The following PAPPA variants were observed in gnomAD, a reference collection of about 807,000 sequenced individuals.
PAPPA encodes pappalysin 1.
PAPPA carries 60 observed loss-of-function variants against 164.0 expected under a neutral mutation model. The ratio of observed to expected loss-of-function variants is 0.37; its 90% CI spans 0.30 to 0.45. The LOEUF is 0.45. PAPPA is among the 20% of genes least tolerant of loss of function. The pLI is 1.00. For missense variants in PAPPA, 1,782 were observed against 2,087.3 expected (o/e 0.85, Z 2.85); for synonymous variants, 875 against 814.1 (o/e 1.07, Z -1.27).
chr9:116,391,470 GCT>G (rs1006591467), intron 21 of PAPPA, among the ~76,000 whole-genome samples: 2 of 152,134 alleles, frequency 1.3e-5, no homozygotes, highest in African/African-American at 4.8e-5. Context: ...CCCCCACCAT[GCT>G]CTGCTAGTTA....
chr9:116,220,205 A>T, intron 5 of PAPPA, 76 bp downstream of exon 5: 1 of 1,150,900 alleles, frequency 8.7e-7, no homozygotes, highest in Non-Finnish European at 1.2e-6. Flanking sequence ...AGGGAAGCAG[A>T]CTTGGAGAGG....
In PAPPA at chr9:116,154,351, C is replaced by A; in HGVS notation, c.179C>A (p.Pro60Gln). 3.7e-6 allele frequency: 3 copies of A among 821,260 alleles called. No homozygotes were observed. Among genetic ancestry groups the A allele is most frequent in the Non-Finnish European group, 4.4e-6 (3 of 680,166 alleles). 50.9% of individuals were successfully genotyped at this position (821,260 alleles called of 1,614,324 possible). ...RAARGRRASP[P>Q]PPPPPGGAWE... ...GCCCGCGGCCGCCGCGCCTCGCCGC[C>A]GCCGCCGCCGCCGCCGGGCGGTGCC... The change falls in exon 1 of 22, where the codon CCG becomes CAG. Residue 60 changes from proline (P) to glutamine (Q), a missense_variant. Physicochemically the swap from Pro to Gln is moderately conservative, Grantham distance 76. Around this residue, in one of 2 missense-constraint regions of PAPPA, gnomAD observed 458 missense variants for 430.3 expected, o/e 1.06. Coordinates refer to ENST00000328252, the MANE Select transcript of PAPPA (RefSeq NM_002581.5). The surrounding 1 kb of genome is among the most constrained non-coding windows in gnomAD (Gnocchi z 5.2).
chr9:116,264,773 A>G (rs1287163087), intron 7 of PAPPA, among the ~76,000 whole-genome samples: 1 of 152,222 alleles, frequency 6.6e-6, no homozygotes, highest in African/African-American at 2.4e-5. Context: ...ACTAAAAATA[A>G]TTGATGCAGA....
At chr9:116,237,764 G>A (rs372450827) in intron 7 of PAPPA, among the ~76,000 whole-genome samples, 3 of 151,462 alleles carry the variant, frequency 2.0e-5, no homozygotes, top group Non-Finnish European at 4.4e-5. Flanking sequence ...CTCTTGCCCA[G>A]GTTGGAGTGC....
At chr9:116,299,752 G>A (rs1161680189) in intron 9 of PAPPA, among the ~76,000 whole-genome samples, 1 of 152,118 alleles carries the variant, frequency 6.6e-6, no homozygotes, top group Non-Finnish European at 1.5e-5. Flanking sequence ...TCTGTGACCT[G>A]GAAGCAGATG....
intron 17 of PAPPA, among the ~76,000 whole-genome samples, chr9:116,356,745 T>A (rs1846359358): frequency 1.3e-5 from 2 of 152,186 alleles, no homozygotes; most frequent in South Asian, 4.1e-4. Context: ...ACCATGCTGT[T>A]TTGGTTTCTG....
chr9:116,331,259 G>A lies in PAPPA; in HGVS notation c.3163G>A (p.Val1055Met), dbSNP rs368875459. The A allele has an allele frequency of 1.2e-6, 2 of 1,605,706 alleles. No individual in the cohort carries two copies. The highest frequency in any genetic ancestry group is 1.3e-5 in the African/African-American group (1 of 74,738). ...ATTTTTCCAGGTGTGTCGAACCAAG[G>A]TGATAGATCTCAGTGAAGGCATTTC... ...PAASQVCRTK[V>M]IDLSEGISQH... Residue 1055 changes from valine (V) to methionine (M), a missense_variant, in exon 11 of 22, where the codon GTG (valine) becomes ATG (methionine). Around this residue, in one of 2 missense-constraint regions of PAPPA, gnomAD observed 1,324 missense variants for 1,656.9 expected, o/e 0.80. Coordinates refer to ENST00000328252, the MANE Select transcript of PAPPA (RefSeq NM_002581.5).
intron 13 of PAPPA, among the ~76,000 whole-genome samples, chr9:116,335,562 C>T (rs989800912): frequency 4.6e-5 from 7 of 152,180 alleles, no homozygotes; most frequent in African/African-American, 1.7e-4. Flanking sequence ...ATGTCTTCCA[C>T]AAGCCTAGCT....
At position 116,187,212 on chromosome 9, in the gene PAPPA, C is replaced by T. The variant is rs1233525611; in HGVS notation, c.474C>T (p.His158=). 1.9e-6 allele frequency: 3 copies of T among 1,614,182 alleles called. No homozygotes were observed. Among genetic ancestry groups the T allele is most frequent in the East Asian group, 4.5e-5 (2 of 44,880 alleles). ...SRDRGWVVGI[H]TISDQDNKDP... is the part of the protein sequence containing the mutation. ...ACCGAGGATGGGTCGTGGGCATTCA[C>T]ACCATCAGTGACCAAGACAACAAAG... The change falls in exon 2 of 22, where the codon CAC becomes CAT. Residue 158 remains histidine (H), a synonymous_variant. Coordinates refer to ENST00000328252, the MANE Select transcript of PAPPA (RefSeq NM_002581.5). This position sits in a 1 kb window ranked among gnomAD's most constrained non-coding sequence, Gnocchi z 4.2.
At chr9:116,184,799 C>G (rs949118325) in intron 1 of PAPPA, among the ~76,000 whole-genome samples, 2 of 152,118 alleles carry the variant, frequency 1.3e-5, no homozygotes, top group African/African-American at 2.4e-5. Flanking sequence ...AAATTAATGC[C>G]TTTGATTCTG....
chr9:116,398,279 C>A lies in PAPPA; in HGVS notation c.*1663C>A. 1 of 205,310 alleles carries A rather than the reference C, an allele frequency of 4.9e-6. No homozygotes were observed. The highest frequency in any genetic ancestry group is 9.9e-6 in the Non-Finnish European group (1 of 100,672). 12.7% of individuals were successfully genotyped at this position (205,310 alleles called of 1,614,324 possible). A position where few individuals can be genotyped will look rare whatever the true frequency, so the allele number is the denominator to read the frequency against. Reference sequence around the variant, plus strand: ...TTGAGTGTGGCATACTTTCTGAAACCTGGAGCTGGGAATTGCGGAGAAGGG... The same window carrying A: ...TTGAGTGTGGCATACTTTCTGAAACATGGAGCTGGGAATTGCGGAGAAGGG... On this transcript the variant is annotated 3_prime_UTR_variant, in exon 22 of 22. Coordinates refer to ENST00000328252, the MANE Select transcript of PAPPA (RefSeq NM_002581.5).
At chr9:116,319,862 G>A (rs1845832233) in intron 10 of PAPPA, among the ~76,000 whole-genome samples, 1 of 152,202 alleles carries the variant, frequency 6.6e-6, no homozygotes, top group Non-Finnish European at 1.5e-5. Context: ...GGGAATCTAT[G>A]TTTGGAACAT....
Position 116,187,659 on chromosome 9 carries a change from A to C in PAPPA, c.921A>C (p.Lys307Asn). The C allele has an allele frequency of 6.2e-7, 1 of 1,614,228 alleles. No homozygotes were observed. Among genetic ancestry groups the C allele is most frequent in the Non-Finnish European group, 8.5e-7 (1 of 1,180,036 alleles). The change falls in exon 2 of 22, where the codon AAA becomes AAC. Residue 307 changes from lysine (K) to asparagine (N), a missense_variant. Around this residue, in one of 2 missense-constraint regions of PAPPA, gnomAD observed 458 missense variants for 430.3 expected, o/e 1.06. Transcript: ENST00000328252. This position sits in a 1 kb window ranked among gnomAD's most constrained non-coding sequence, Gnocchi z 4.2. ...CCATGAAGGATGGCAGCAGCCCCAAAGTGGAATTCAGCAATGCCCACGGCT... is the reference window on the plus strand; with the variant it reads ...CCATGAAGGATGGCAGCAGCCCCAACGTGGAATTCAGCAATGCCCACGGCT... Reference protein sequence around the residue: ...WSPMKDGSSPKVEFSNAHGFL... With the variant: ...WSPMKDGSSPNVEFSNAHGFL...
At position 116,192,171 on chromosome 9, in the gene PAPPA, AC is replaced by A. The variant is rs374281432; in HGVS notation, c.1478+3957del. Among the ~76,000 whole-genome samples the A allele has an allele frequency of 9.2e-5, 14 of 152,238 alleles. 1 individual carries two copies. Among genetic ancestry groups the A allele is most frequent in the African/African-American group, 3.4e-4 (14 of 41,550 alleles). ...CCAACTGAAGTCACAAAACAAAGGA[AC>A]CTGTTGATGCAATCCATAGATAGCC... On this transcript the variant is annotated intron_variant, in intron 2 of 21. Coordinates refer to ENST00000328252, the MANE Select transcript of PAPPA (RefSeq NM_002581.5).
intron 7 of PAPPA, among the ~76,000 whole-genome samples, chr9:116,248,954 C>G (rs1844828617): frequency 6.6e-6 from 1 of 152,162 alleles, no homozygotes; most frequent in Admixed American, 6.5e-5. Flanking sequence ...AATCTTACAG[C>G]ATGGTCACTG....
chr9:116,250,393 A>C (rs1441824540), intron 7 of PAPPA, among the ~76,000 whole-genome samples: 1 of 152,232 alleles, frequency 6.6e-6, no homozygotes, highest in Admixed American at 6.5e-5. Context: ...AGAAACTTCC[A>C]TCCAAGGATG....
intron 9 of PAPPA, among the ~76,000 whole-genome samples, chr9:116,279,963 T>C (rs1845247452): frequency 6.6e-6 from 1 of 152,156 alleles, no homozygotes; most frequent in Non-Finnish European, 1.5e-5. Context: ...ATAGACCTAA[T>C]TGTAGCCTCC....
At position 116,371,211 on chromosome 9, in the gene PAPPA, G is replaced by T. The variant is rs1846568634; in HGVS notation, c.4605+3457G>T. 3.3e-5 allele frequency among the ~76,000 whole-genome samples: 5 copies of T among 152,284 alleles called. No individual in the cohort carries two copies. In the South Asian group the frequency reaches 1.0e-3, roughly 32 times the overall value. On this transcript the variant is annotated intron_variant, in intron 19 of 21. Transcript: ENST00000328252. ...GCAGGTGAATCACCTGAGGTCAGGA[G>T]TTCGAGACCAGCCTGGCCAACATGG... is the stretch of plus-strand genomic sequence containing the variant.
Position 116,264,933 on chromosome 9 carries a change from G to A in PAPPA, c.2733-924G>A, listed in dbSNP as rs558482550. ...TGTGTTCATTTGGTGGTGTGTTTGT[G>A]AGGAAGCCCAAGCAGGTACTAGGAG... On this transcript the variant is annotated intron_variant, in intron 7 of 21. Transcript: ENST00000328252. Among the ~76,000 whole-genome samples the A allele has an allele frequency of 3.9e-5, 6 of 152,232 alleles. No individual in the cohort carries two copies. The South Asian group carries it at 1.2e-3, about 32-fold the overall frequency.
Sources: allele counts gnomAD v4.1 joint callset (sites outside exome capture counted in the v4.1 genomes callset), GRCh38; gene constraint gnomAD v4.1.1; regional missense constraint gnomAD v4.1.1; non-coding constraint Gnocchi (gnomAD v3.1); transcripts MANE v1.5; gene names NCBI Gene and HGNC (gene_info 2026-07-23, HGNC 2026-07-21).